Variants in CNTNAP2 observed in about 807,000 individuals in gnomAD.
CNTNAP2 encodes the protein contactin associated protein 2, also known as contactin-associated protein-like 2.
A neutral mutation model predicts 155.2 loss-of-function variants in CNTNAP2; 98 were observed. The ratio of observed to expected loss-of-function variants is 0.63; its 90% CI spans 0.54 to 0.75. The LOEUF (loss-of-function observed/expected upper bound fraction) is 0.75. CNTNAP2 is among the 30% of genes least tolerant of loss of function. The probability of loss-of-function intolerance (pLI) is 0.00; values close to 1 mark genes in which losing one functional copy is unlikely to be tolerated. For synonymous variants in CNTNAP2, 651 were observed against 631.2 expected, an observed-to-expected ratio of 1.03 and a Z score of -0.47; for missense variants, 1,727 against 1,688.1, an observed-to-expected ratio of 1.02 and a Z score of -0.40.
chr7:148,320,464 C>A (rs1405500168), intron 21 of CNTNAP2, among the ~76,000 whole-genome samples: 1 of 149,274 alleles, frequency 6.7e-6, no homozygotes, highest in Non-Finnish European at 1.5e-5. Flanking sequence ...ACTCATGGCA[C>A]CCTCCGCCTC....
At chr7:147,631,339 C>A (rs576942049) in intron 12 of CNTNAP2, among the ~76,000 whole-genome samples, 1 of 152,090 alleles carries the variant, frequency 6.6e-6, no homozygotes, top group Non-Finnish European at 1.5e-5. Flanking sequence ...ATTAATGACA[C>A]AAACAAATGG....
At chr7:147,528,789 T>C (rs1024528) in intron 11 of CNTNAP2, among the ~76,000 whole-genome samples, 67,674 of 151,958 alleles carry the variant, frequency 0.45, 15,959 homozygotes, top group African/African-American at 0.59. Context: ...TATGTAAATC[T>C]GTTATAATAC....
chr7:148,217,106 T>A (rs1479479258), intron 18 of CNTNAP2, among the ~76,000 whole-genome samples, 182 bp from the exon 19 acceptor site: 1 of 144,036 alleles, frequency 6.9e-6, no homozygotes, highest in Non-Finnish European at 1.5e-5. Context: ...CCCTGTTACA[T>A]GCTTTTTTTT....
At chr7:146,170,726 G>A (rs1174763754) in intron 1 of CNTNAP2, among the ~76,000 whole-genome samples, 1 of 152,122 alleles carries the variant, frequency 6.6e-6, no homozygotes, top group Non-Finnish European at 1.5e-5. Context: ...TTTGTAAAGA[G>A]ATTAAGAGTG....
chr7:148,054,258 C>T (rs778084230), intron 15 of CNTNAP2, among the ~76,000 whole-genome samples: 8 of 152,136 alleles, frequency 5.3e-5, no homozygotes, highest in Admixed American at 3.3e-4. Flanking sequence ...AGGCGTGAGC[C>T]ACTGCGCCCG....
intron 9 of CNTNAP2, among the ~76,000 whole-genome samples, chr7:147,383,542 T>TTC (rs1311953816): frequency 6.6e-6 from 1 of 152,086 alleles, no homozygotes; most frequent in East Asian, 1.9e-4. Flanking sequence ...ACACCACACG[T>TTC]TCTCACTCAT....
intron 8 of CNTNAP2, among the ~76,000 whole-genome samples, chr7:147,220,294 C>G (rs1803365630): frequency 6.6e-6 from 1 of 152,072 alleles, no homozygotes; most frequent in Non-Finnish European, 1.5e-5. Context: ...TATAGCTACT[C>G]TTGCTTTCTT....
intron 14 of CNTNAP2, among the ~76,000 whole-genome samples, chr7:147,938,836 A>C (rs1176962558): frequency 1.3e-5 from 2 of 152,140 alleles, no homozygotes; most frequent in Non-Finnish European, 2.9e-5. Flanking sequence ...GAGACATGAG[A>C]GTGTTGACTC....
At position 147,096,167 on chromosome 7, in the gene CNTNAP2, A is replaced by G. The variant is rs187471048; in HGVS notation, c.551-11980A>G. Among the ~76,000 whole-genome samples the G allele has an allele frequency of 5.7e-3, 866 of 152,330 alleles. 4 individuals are homozygous for G. Among genetic ancestry groups the G allele is most frequent in the African/African-American group, 0.02 (836 of 41,570 alleles). On this transcript the variant is annotated intron_variant, in intron 4 of 23. Coordinates refer to ENST00000361727, the MANE Select transcript of CNTNAP2 (RefSeq NM_014141.6). ...GCAGACTAATTGTTTCAGATTTACT[A>G]TGATCCATGAAGTCTTGTATTTGAC...
intron 15 of CNTNAP2, among the ~76,000 whole-genome samples, chr7:148,108,463 G>A (rs1018129052): frequency 1.3e-5 from 2 of 152,138 alleles, no homozygotes; most frequent in Non-Finnish European, 1.5e-5. Context: ...AGGACAAAAG[G>A]GCAGACATGG....
chr7:146,428,509 C>CT (rs1056024953), intron 1 of CNTNAP2, among the ~76,000 whole-genome samples: 10 of 151,556 alleles, frequency 6.6e-5, no homozygotes, highest in African/African-American at 2.4e-4. Flanking sequence ...TGATGCTAAG[C>CT]TTTTTTTCAT....
chr7:147,437,845 T>C (rs989918557), intron 10 of CNTNAP2, among the ~76,000 whole-genome samples: 4 of 152,158 alleles, frequency 2.6e-5, no homozygotes, highest in Admixed American at 2.0e-4. Flanking sequence ...CTTTCCATTT[T>C]ATGGTGTCCT....
At chr7:146,147,944 A>G (rs1053133883) in intron 1 of CNTNAP2, among the ~76,000 whole-genome samples, 4 of 152,136 alleles carry the variant, frequency 2.6e-5, no homozygotes, top group African/African-American at 9.7e-5. Flanking sequence ...TATATTTTTC[A>G]AAGTGTCAGA....
At chr7:146,388,477 T>C (rs1795492894) in intron 1 of CNTNAP2, among the ~76,000 whole-genome samples, 1 of 152,078 alleles carries the variant, frequency 6.6e-6, no homozygotes, top group Admixed American at 6.6e-5. Context: ...TGTATATATT[T>C]ATGGGGTACA....
intron 1 of CNTNAP2, among the ~76,000 whole-genome samples, chr7:146,538,390 C>T (rs911417526): frequency 6.6e-6 from 1 of 152,058 alleles, no homozygotes; most frequent in Non-Finnish European, 1.5e-5. Context: ...TTGACTTGTG[C>T]TCATGTTTAC....
In CNTNAP2 at chr7:148,402,158, G is replaced by C. The variant is rs192709549; in HGVS notation, c.3716-7233G>C. Among the ~76,000 whole-genome samples the C allele has an allele frequency of 2.8e-5, 4 of 145,024 alleles. No homozygotes were observed. The East Asian group carries it at 7.8e-4, about 28-fold the overall frequency. ...TTGTTTATTCTGTTTCTCTTCACTC[G>C]ACCTCTTTTGGTCACTGGATCTTGG... On this transcript the variant is annotated intron_variant, in intron 22 of 23. Transcript: ENST00000361727.
At chr7:146,531,713 T>G (rs903037526) in intron 1 of CNTNAP2, among the ~76,000 whole-genome samples, 1 of 151,978 alleles carries the variant, frequency 6.6e-6, no homozygotes, top group Non-Finnish European at 1.5e-5. Context: ...CCCAGCTAAT[T>G]TTTGTATTTT....
chr7:148,326,689 A>G (rs1797895269), intron 21 of CNTNAP2, among the ~76,000 whole-genome samples: 2 of 151,772 alleles, frequency 1.3e-5, no homozygotes, highest in East Asian at 1.9e-4. Flanking sequence ...ACACGGTGAA[A>G]CCCCGTCTCT....
At chr7:148,158,342 C>A (rs911055310) in intron 17 of CNTNAP2, among the ~76,000 whole-genome samples, 1 of 148,934 alleles carries the variant, frequency 6.7e-6, no homozygotes, top group African/African-American at 2.5e-5. Context: ...CCTGCCTTGG[C>A]CTCCCAGGTA....
Sources: allele counts gnomAD v4.1 joint callset (sites outside exome capture counted in the v4.1 genomes callset), GRCh38; gene constraint gnomAD v4.1.1; transcripts MANE v1.5; gene names NCBI Gene and HGNC (gene_info 2026-07-23, HGNC 2026-07-21).